Variants in PDE10A observed in about 807,000 individuals in gnomAD.
The protein encoded by PDE10A is phosphodiesterase 10A.
A neutral mutation model predicts 97.7 loss-of-function variants in PDE10A; 39 were observed. That is an observed-to-expected ratio of 0.40 (90% CI 0.31 to 0.52). The LOEUF is 0.52. PDE10A is among the 20% of genes least tolerant of loss of function. PDE10A has a pLI of 0.56. For synonymous variants in PDE10A, 371 were observed against 376.8 expected, an observed-to-expected ratio of 0.98 and a Z score of 0.18; for missense variants, 731 against 1,047.8, an observed-to-expected ratio of 0.70 and a Z score of 4.17.
intron 1 of PDE10A, among the ~76,000 whole-genome samples, chr6:165,575,251 G>A (rs1484518021): frequency 6.6e-6 from 1 of 152,168 alleles, no homozygotes; most frequent in Non-Finnish European, 1.5e-5. Context: ...ACTGGTTAGA[G>A]AAAAATGCAG....
chr6:165,409,280 C>T (rs1219589743), intron 13 of PDE10A, among the ~76,000 whole-genome samples: 1 of 152,050 alleles, frequency 6.6e-6, no homozygotes, highest in Non-Finnish European at 1.5e-5. Context: ...GGCGAGGTGG[C>T]TCACGCCTGT....
rs746597553 is a variant in PDE10A, at chr6:165,343,526, G to A, written c.2784-24C>T. ...CTCTAGAACACAACAATATAAGACT[G>A]GTCAGCATAGCATTTGCACATTTAT... On this transcript the variant is annotated intron_variant, in intron 18 of 21. Coordinates refer to ENST00000539869, the MANE Select transcript of PDE10A (RefSeq NM_001385079.1). The A allele has an allele frequency of 2.5e-5, 37 of 1,494,288 alleles. 1 individual carries two copies. In the South Asian group the frequency reaches 3.8e-4, roughly 15 times the overall value. 92.6% of individuals were successfully genotyped at this position (1,494,288 alleles called of 1,614,324 possible).
chr6:165,648,157 C>T (rs1255290777), intron 1 of PDE10A, among the ~76,000 whole-genome samples: 2 of 152,116 alleles, frequency 1.3e-5, no homozygotes, highest in South Asian at 2.1e-4. Flanking sequence ...GGACTATAGG[C>T]GCCCACCACC....
At chr6:165,781,128 G>A (rs1410954283) in intron 1 of PDE10A, 1 of 152,226 alleles carries the variant, frequency 6.6e-6, no homozygotes, top group Non-Finnish European at 1.5e-5. Context: ...ACAAAGCCAG[G>A]AGGCCCCTCT....
intron 1 of PDE10A, among the ~76,000 whole-genome samples, chr6:165,900,081 C>T (rs568917501): frequency 3.0e-4 from 46 of 152,270 alleles, no homozygotes; most frequent in Non-Finnish European, 1.5e-5. Context: ...CAGCCCCTTG[C>T]CCTGTGAGGG....
intron 3 of PDE10A, among the ~76,000 whole-genome samples, chr6:165,459,498 T>C (rs1292371564): frequency 2.9e-5 from 1 of 35,084 alleles, no homozygotes; most frequent in African/African-American, 1.3e-4. Flanking sequence ...ATTAGATAGA[T>C]AGATAGATAG....
chr6:165,570,313 T>C (rs1784991073), intron 1 of PDE10A, among the ~76,000 whole-genome samples: 1 of 152,198 alleles, frequency 6.6e-6, no homozygotes, highest in Non-Finnish European at 1.5e-5. Flanking sequence ...CAATCTGATC[T>C]GATATCTAAA....
chr6:165,777,046 G>T (rs1447364573), intron 1 of PDE10A, among the ~76,000 whole-genome samples: 1 of 152,178 alleles, frequency 6.6e-6, no homozygotes, highest in East Asian at 1.9e-4. Flanking sequence ...AGGGCGAGGA[G>T]AATCTGGCCC....
intron 2 of PDE10A, among the ~76,000 whole-genome samples, chr6:165,535,786 C>T (rs1783050459): frequency 6.6e-6 from 1 of 150,924 alleles, no homozygotes; most frequent in Non-Finnish European, 1.5e-5. Context: ...TGAAAGATAC[C>T]TACAATTAAA....
At chr6:165,579,432 G>T (rs934043355) in intron 1 of PDE10A, among the ~76,000 whole-genome samples, 4 of 152,176 alleles carry the variant, frequency 2.6e-5, no homozygotes, top group Admixed American at 1.3e-4. Context: ...TAGGGAGAAT[G>T]ACTGGGATGA....
chr6:165,873,197 A>T (rs1266256480), intron 1 of PDE10A, among the ~76,000 whole-genome samples: 1 of 152,144 alleles, frequency 6.6e-6, no homozygotes, highest in Non-Finnish European at 1.5e-5. Context: ...AATACTCAGG[A>T]AAGATGATGT....
chr6:165,773,661 T>C (rs1246265795), intron 1 of PDE10A, among the ~76,000 whole-genome samples: 1 of 152,174 alleles, frequency 6.6e-6, no homozygotes, highest in Admixed American at 6.5e-5. Flanking sequence ...GATAAAAGAT[T>C]AGTTTGGGCT....
intron 2 of PDE10A, among the ~76,000 whole-genome samples, chr6:165,539,884 C>T (rs1276649609): frequency 1.3e-5 from 2 of 152,138 alleles, no homozygotes; most frequent in Admixed American, 1.3e-4. Flanking sequence ...CGAGAGCACA[C>T]CACTGCACTC....
At chr6:165,579,296 A>G (rs1254966342) in intron 1 of PDE10A, among the ~76,000 whole-genome samples, 5 of 152,224 alleles carry the variant, frequency 3.3e-5, no homozygotes, top group African/African-American at 1.2e-4. Flanking sequence ...GAAAGAATTG[A>G]TTGAAGCCAG....
chr6:165,473,111 A>T (rs1168511935), intron 3 of PDE10A, among the ~76,000 whole-genome samples: 1 of 152,204 alleles, frequency 6.6e-6, no homozygotes, highest in Non-Finnish European at 1.5e-5. Context: ...ATTATCACAC[A>T]GAAACTCAAT....
intron 10 of PDE10A, among the ~76,000 whole-genome samples, chr6:165,423,108 T>C (rs1258423035): frequency 1.3e-5 from 2 of 152,240 alleles, no homozygotes; most frequent in South Asian, 2.1e-4. Context: ...TGCTTGAGAC[T>C]AAGGACTACA....
chr6:165,486,854 GGCAGATAAAGCA>G (rs1779952873), intron 2 of PDE10A, among the ~76,000 whole-genome samples: 1 of 152,134 alleles, frequency 6.6e-6, no homozygotes. Flanking sequence ...TGTTCAAGTC[GGCAGATAAAGCA>G]GCTGCATTCA....
At chr6:165,739,337 T>C (rs561616042) in intron 1 of PDE10A, among the ~76,000 whole-genome samples, 1 of 152,288 alleles carries the variant, frequency 6.6e-6, no homozygotes, top group East Asian at 1.9e-4. Context: ...AAATCCAACC[T>C]TTTAAAATTA....
At chr6:165,410,476 A>G (rs1787655289) in intron 13 of PDE10A, among the ~76,000 whole-genome samples, 1 of 105,908 alleles carries the variant, frequency 9.4e-6, no homozygotes, top group Admixed American at 1.0e-4. Flanking sequence ...AGTTCCGAAG[A>G]TGAAAATGAG....
Sources: allele counts gnomAD v4.1 joint callset (sites outside exome capture counted in the v4.1 genomes callset), GRCh38; gene constraint gnomAD v4.1.1; transcripts MANE v1.5; gene names NCBI Gene and HGNC (gene_info 2026-07-23, HGNC 2026-07-21).